The following EBAG9 variants were observed in gnomAD, a reference collection of about 807,000 sequenced individuals.
EBAG9 encodes the protein estrogen receptor binding site associated antigen 9.
A neutral mutation model predicts 30.9 loss-of-function variants in EBAG9; 16 were observed. That is an observed-to-expected ratio of 0.52 (90% CI 0.35 to 0.79). The LOEUF is 0.79. Among genes scored for constraint, EBAG9 ranks in the 30% least tolerant of loss-of-function variants. The probability of loss-of-function intolerance (pLI) is 0.01; values close to 1 mark genes in which losing one functional copy is unlikely to be tolerated. For missense variants in EBAG9, 197 were observed against 242.1 expected, an observed-to-expected ratio of 0.81 and a Z score of 1.24; for synonymous variants, 93 against 82.8, an observed-to-expected ratio of 1.12 and a Z score of -0.67.
At chr8:109,549,455 T>C (rs1821450763) in intron 1 of EBAG9, among the ~76,000 whole-genome samples, 1 of 152,034 alleles carries the variant, frequency 6.6e-6, no homozygotes, top group Non-Finnish European at 1.5e-5. Context: ...TTGTATAGAA[T>C]TGGTATTATT....
chr8:109,563,154 A>G (rs950015149), intron 6 of EBAG9, among the ~76,000 whole-genome samples: 3 of 152,104 alleles, frequency 2.0e-5, no homozygotes, highest in Non-Finnish European at 4.4e-5. Flanking sequence ...GTTGCCAAAA[A>G]TAGTTTCTTT....
At chr8:109,560,046 G>A (rs900202896) in intron 5 of EBAG9, among the ~76,000 whole-genome samples, 7 of 152,120 alleles carry the variant, frequency 4.6e-5, no homozygotes, top group African/African-American at 1.7e-4. Flanking sequence ...ATTTTTAGGG[G>A]TAAGTATTTA....
intron 6 of EBAG9, among the ~76,000 whole-genome samples, chr8:109,561,153 CTT>C (rs1279059996): frequency 1.3e-5 from 2 of 150,918 alleles, no homozygotes; most frequent in African/African-American, 4.9e-5. Context: ...AACAAAATAA[CTT>C]TATTAATGGC....
intron 6 of EBAG9, chr8:109,563,447 C>T (rs552227266): frequency 3.1e-5 from 49 of 1,597,790 alleles, no homozygotes; most frequent in South Asian, 2.1e-4. Flanking sequence ...CATCATCCCA[C>T]TCCTACCTCC....
At chr8:109,563,098 G>A (rs1017193076) in intron 6 of EBAG9, among the ~76,000 whole-genome samples, 2 of 152,052 alleles carry the variant, frequency 1.3e-5, no homozygotes, top group Admixed American at 6.6e-5. Context: ...ATGAAAAACA[G>A]ATTTTTTAAA....
chr8:109,542,084 A>G (rs1821288450), intron 1 of EBAG9, among the ~76,000 whole-genome samples: 1 of 152,206 alleles, frequency 6.6e-6, no homozygotes, highest in Non-Finnish European at 1.5e-5. Flanking sequence ...AACAAGGACA[A>G]TAGTATCTAT....
At chr8:109,555,147 C>T (rs1049915961) in intron 4 of EBAG9, among the ~76,000 whole-genome samples, 1 of 151,712 alleles carries the variant, frequency 6.6e-6, no homozygotes, top group Non-Finnish European at 1.5e-5. Context: ...CCCAACCCCA[C>T]AACAGGCCCC....
In EBAG9 at chr8:109,553,915, C is replaced by A. The variant is rs1283803392; in HGVS notation, c.134C>A (p.Thr45Lys). 6.2e-7 allele frequency: 1 copy of A among 1,609,216 alleles called. No homozygotes were observed. Among genetic ancestry groups the A allele is most frequent in the Admixed American group, 1.7e-5 (1 of 59,098 alleles). Residue 45 changes from threonine (T) to lysine (K), a missense_variant, in exon 3 of 7, where the codon ACA (threonine) becomes AAA (lysine). Physicochemically the swap from Thr to Lys is moderately conservative, Grantham distance 78. Coordinates refer to ENST00000337573, the MANE Select transcript of EBAG9 (RefSeq NM_004215.5). ...GGAGACCAAATAACTTTGCCAACTA[C>A]AGTTGATTATTCATCAGTTCCTAAG... Reference protein sequence around the residue: ...LSGDQITLPTTVDYSSVPKQT... With the variant: ...LSGDQITLPTKVDYSSVPKQT...
At position 109,554,785 on chromosome 8, in the gene EBAG9, C is replaced by G. The variant is rs759484343; in HGVS notation, c.219C>G (p.Ile73Met). 1 of 1,613,594 alleles carries G rather than the reference C, an allele frequency of 6.2e-7. No homozygotes were observed. Among genetic ancestry groups the G allele is most frequent in the African/African-American group, 1.3e-5 (1 of 74,948 alleles). ...AAGATGCACCCACCAGTGTAAAGAT[C>G]GAAGGAGGGAATGGGAATGTGGCAA... ...WDEDAPTSVKIEGGNGNVATQ... is the reference protein window; with the variant it reads ...WDEDAPTSVKMEGGNGNVATQ... The change falls in exon 4 of 7, where the codon ATC (isoleucine) becomes ATG (methionine). Residue 73 changes from isoleucine to methionine, a missense_variant. By Grantham distance (10) the Ile-to-Met change is conservative. Transcript: ENST00000337573.
chr8:109,562,237 G>A (rs1029103346), intron 6 of EBAG9, among the ~76,000 whole-genome samples: 1 of 152,046 alleles, frequency 6.6e-6, no homozygotes, highest in Non-Finnish European at 1.5e-5. Flanking sequence ...TCACTGTAGA[G>A]TTCAAGCCAT....
At chr8:109,555,083 A>G (rs1476297702) in intron 4 of EBAG9, among the ~76,000 whole-genome samples, 196 bp downstream of exon 4, 1 of 151,780 alleles carries the variant, frequency 6.6e-6, no homozygotes, top group Non-Finnish European at 1.5e-5. Flanking sequence ...TGCTGCACCC[A>G]TCAACTCGTC....
intron 1 of EBAG9, among the ~76,000 whole-genome samples, chr8:109,543,841 G>C (rs1361848459): frequency 6.6e-6 from 1 of 152,046 alleles, no homozygotes; most frequent in Non-Finnish European, 1.5e-5. Flanking sequence ...GACCAGCCTA[G>C]CCAACATGGC....
rs1238206287 is a variant in EBAG9, at chr8:109,550,850, T to A, written c.26T>A (p.Phe9Tyr). The A allele has an allele frequency of 6.2e-7, 1 of 1,604,230 alleles. No individual in the cohort carries two copies. The highest frequency in any genetic ancestry group is 8.5e-7 in the Non-Finnish European group (1 of 1,173,984). The change falls in exon 2 of 7, where the codon TTT becomes TAT. Residue 9 changes from phenylalanine (F) to tyrosine (Y), a missense_variant. By Grantham distance (22) the Phe-to-Tyr change is conservative (BLOSUM62 3). Transcript: ENST00000337573. Reference sequence around the variant, plus strand: ...ATGGCCATCACCCAGTTTCGGTTATTTAAATTTTGTACCTGCCTAGCAACA... The same window carrying A: ...ATGGCCATCACCCAGTTTCGGTTATATAAATTTTGTACCTGCCTAGCAACA... MAITQFRL[F>Y]KFCTCLATVF...
intron 2 of EBAG9, among the ~76,000 whole-genome samples, chr8:109,552,561 G>A (rs891591777): frequency 1.3e-5 from 2 of 152,158 alleles, no homozygotes; most frequent in Admixed American, 6.5e-5. Context: ...GTGATGAAAT[G>A]TAGATGTTTT....
In EBAG9 at chr8:109,554,058, T is replaced by C. The variant is rs554961916; in HGVS notation, c.162+115T>C. Reference sequence around the variant, plus strand: ...GATCATTAATAGAAATTAATTTTTGTTGTGTTGTTAAATTTATCTGGTCTG... The same window carrying C: ...GATCATTAATAGAAATTAATTTTTGCTGTGTTGTTAAATTTATCTGGTCTG... On this transcript the variant is annotated intron_variant, in intron 3 of 6. Transcript: ENST00000337573. The C allele has an allele frequency of 5.0e-5, 35 of 704,274 alleles. No homozygotes were observed. The South Asian group carries it at 1.0e-3, about 20-fold the overall frequency. The allele number at this position is 704,274 out of a possible 1,614,324, so 43.6% of individuals were successfully genotyped here.
intron 6 of EBAG9, among the ~76,000 whole-genome samples, chr8:109,562,967 C>T (rs1185465139): frequency 2.0e-5 from 3 of 151,962 alleles, no homozygotes; most frequent in Non-Finnish European, 2.9e-5. Context: ...GTCAAAACTT[C>T]GTTATCTTAC....
intron 3 of EBAG9, among the ~76,000 whole-genome samples, chr8:109,554,226 A>G (rs780785927): frequency 6.6e-6 from 1 of 152,216 alleles, no homozygotes; most frequent in Non-Finnish European, 1.5e-5. Flanking sequence ...ATTCCAACAT[A>G]TCATTTTGGT....
chr8:109,546,833 A>G (rs1821395135), intron 1 of EBAG9, among the ~76,000 whole-genome samples: 1 of 152,102 alleles, frequency 6.6e-6, no homozygotes, highest in Non-Finnish European at 1.5e-5. Context: ...AATTATTCTG[A>G]GATATAGTCA....
At chr8:109,561,370 C>T (rs1384358716) in intron 6 of EBAG9, among the ~76,000 whole-genome samples, 2 of 151,906 alleles carry the variant, frequency 1.3e-5, no homozygotes, top group African/African-American at 4.8e-5. Flanking sequence ...ATGTGACACT[C>T]TACATTTGTA....
Sources: allele counts gnomAD v4.1 joint callset (sites outside exome capture counted in the v4.1 genomes callset), GRCh38; gene constraint gnomAD v4.1.1; transcripts MANE v1.5; gene names NCBI Gene and HGNC (gene_info 2026-07-23, HGNC 2026-07-21).